Variants in LOC128092247 observed in about 807,000 individuals in gnomAD.
chr7:151,061,947 C>G, the LOC128092247 span: 2 of 1,599,316 alleles, frequency 1.3e-6, no homozygotes, highest in African/African-American at 2.7e-5. Flanking sequence ...CCTCGTTGCC[C>G]TGAAAGCCGC....
At chr7:151,061,934 C>T in the LOC128092247 span, 1 of 1,563,122 alleles carries the variant, frequency 6.4e-7, no homozygotes, top group South Asian at 1.1e-5. Context: ...GGTTATGCCT[C>T]CGCCTCGTTG....
the LOC128092247 span, chr7:151,061,948 T>C: frequency 6.3e-7 from 1 of 1,599,954 alleles, no homozygotes; most frequent in African/African-American, 1.3e-5. Context: ...CTCGTTGCCC[T>C]GAAAGCCGCA....
the LOC128092247 span, chr7:151,061,974 G>T: frequency 6.2e-7 from 1 of 1,609,608 alleles, no homozygotes. Flanking sequence ...AGCGAAAAGG[G>T]CTAAGATTCG....
the LOC128092247 span, chr7:151,061,936 G>A: frequency 1.9e-6 from 3 of 1,569,304 alleles, no homozygotes; most frequent in South Asian, 1.1e-5. Flanking sequence ...TTATGCCTCC[G>A]CCTCGTTGCC....
At chr7:151,061,956 G>T in the LOC128092247 span, 1 of 1,604,558 alleles carries the variant, frequency 6.2e-7, no homozygotes, top group Admixed American at 1.7e-5. Flanking sequence ...CCTGAAAGCC[G>T]CAGCGACAGC....
At chr7:151,061,955 C>T in the LOC128092247 span, 4 of 1,603,664 alleles carry the variant, frequency 2.5e-6, no homozygotes, top group East Asian at 4.5e-5. Flanking sequence ...CCCTGAAAGC[C>T]GCAGCGACAG....
the LOC128092247 span, chr7:151,061,972 G>A: frequency 3.7e-6 from 6 of 1,609,662 alleles, no homozygotes; most frequent in Non-Finnish European, 5.1e-6. Context: ...ACAGCGAAAA[G>A]GGCTAAGATT....
At chr7:151,061,977 A>G in the LOC128092247 span, 2 of 1,609,968 alleles carry the variant, frequency 1.2e-6, no homozygotes, top group Non-Finnish European at 8.5e-7. Flanking sequence ...GAAAAGGGCT[A>G]AGATTCGGCC....
chr7:151,061,938 C>T, the LOC128092247 span: 2 of 1,579,088 alleles, frequency 1.3e-6, no homozygotes, highest in Non-Finnish European at 1.7e-6. Context: ...ATGCCTCCGC[C>T]TCGTTGCCCT....
the LOC128092247 span, chr7:151,061,949 G>C: frequency 6.2e-7 from 1 of 1,601,296 alleles, no homozygotes; most frequent in Non-Finnish European, 8.5e-7. Context: ...TCGTTGCCCT[G>C]AAAGCCGCAG....
At chr7:151,061,964 A>T in the LOC128092247 span, 2 of 1,608,094 alleles carry the variant, frequency 1.2e-6, no homozygotes, top group Non-Finnish European at 1.7e-6. Context: ...CCGCAGCGAC[A>T]GCGAAAAGGG....
the LOC128092247 span, chr7:151,061,966 C>T: frequency 1.9e-5 from 31 of 1,608,312 alleles, no homozygotes; most frequent in African/African-American, 9.3e-5. Flanking sequence ...GCAGCGACAG[C>T]GAAAAGGGCT....
At chr7:151,061,961 G>C in the LOC128092247 span, 2 of 1,607,570 alleles carry the variant, frequency 1.2e-6, no homozygotes, top group Admixed American at 3.3e-5. Flanking sequence ...AAGCCGCAGC[G>C]ACAGCGAAAA....
At chr7:151,061,931 C>G in the LOC128092247 span, 1 of 1,539,684 alleles carries the variant, frequency 6.5e-7, no homozygotes, top group South Asian at 1.1e-5. Flanking sequence ...CCAGGTTATG[C>G]CTCCGCCTCG....
chr7:151,061,931 C>T, the LOC128092247 span: 5 of 1,539,684 alleles, frequency 3.2e-6, no homozygotes, highest in East Asian at 2.3e-5. Flanking sequence ...CCAGGTTATG[C>T]CTCCGCCTCG....
chr7:151,061,960 C>G, the LOC128092247 span: 10 of 1,606,430 alleles, frequency 6.2e-6, no homozygotes, highest in African/African-American at 5.3e-5. Flanking sequence ...AAAGCCGCAG[C>G]GACAGCGAAA....
At chr7:151,061,961 G>T in the LOC128092247 span, 1 of 1,607,570 alleles carries the variant, frequency 6.2e-7, no homozygotes, top group South Asian at 1.1e-5. Context: ...AAGCCGCAGC[G>T]ACAGCGAAAA....
the LOC128092247 span, chr7:151,061,946 C>G: frequency 1.3e-6 from 2 of 1,597,688 alleles, no homozygotes; most frequent in Non-Finnish European, 1.7e-6. Flanking sequence ...GCCTCGTTGC[C>G]CTGAAAGCCG....
At chr7:151,061,966 C>A in the LOC128092247 span, 1 of 1,608,430 alleles carries the variant, frequency 6.2e-7, no homozygotes, top group East Asian at 2.2e-5. Flanking sequence ...GCAGCGACAG[C>A]GAAAAGGGCT....
Sources: allele counts gnomAD v4.1 joint callset, GRCh38; gene constraint gnomAD v4.1.1; transcripts MANE v1.5.